Variants in TNFSF15 observed in about 807,000 individuals in gnomAD.
TNFSF15 encodes TNF superfamily member 15.
TNFSF15 carries 15 observed loss-of-function variants against 26.4 expected under a neutral mutation model. That is an observed-to-expected ratio of 0.57 (90% CI 0.38 to 0.87). The LOEUF is 0.87. TNFSF15 is among the 40% of genes least tolerant of loss of function. The pLI is 0.00. For synonymous variants in TNFSF15, 116 were observed against 115.0 expected, an observed-to-expected ratio of 1.01 and a Z score of -0.06; for missense variants, 290 against 306.1, an observed-to-expected ratio of 0.95 and a Z score of 0.39.
intron 1 of TNFSF15, among the ~76,000 whole-genome samples, chr9:114,803,543 T>C (rs1048221985): frequency 2.0e-5 from 3 of 152,188 alleles, no homozygotes; most frequent in Admixed American, 6.5e-5. Context: ...TTCTTCTCCA[T>C]CAGTCCCTCC....
In TNFSF15 at chr9:114,791,122, C is replaced by T. The variant is rs1829591340; in HGVS notation, c.302-216G>A. 6.5e-6 allele frequency: 4 copies of T among 614,636 alleles called. No homozygotes were observed. In the East Asian group the frequency reaches 1.1e-4, roughly 17 times the overall value. 38.1% of individuals were successfully genotyped at this position (614,636 alleles called of 1,614,324 possible). On this transcript the variant is annotated intron_variant, in intron 3 of 3. Coordinates refer to ENST00000374045, the MANE Select transcript of TNFSF15 (RefSeq NM_005118.4). ...TGGACTAGTGACCTGGGGCAAATTA[C>T]TTTGCCTTTCTGAGACTGAGTGGTC...
chr9:114,793,441 C>T (rs1829634121), intron 2 of TNFSF15, 85 bp downstream of exon 2: 4 of 1,488,814 alleles, frequency 2.7e-6, no homozygotes, highest in Admixed American at 1.7e-5. Flanking sequence ...TACTTAAAGA[C>T]TCATCTCTGA....
In TNFSF15 at chr9:114,789,734, G is replaced by A. The variant is rs1012376923; in HGVS notation, c.*718C>T. The A allele has an allele frequency of 1.3e-5, 2 of 152,294 alleles. No homozygotes were observed. The highest frequency in any genetic ancestry group is 2.9e-5 in the Non-Finnish European group (2 of 68,032). The allele number at this position is 152,294 out of a possible 1,614,324, so 9.4% of individuals were successfully genotyped here. A position where few individuals can be genotyped will look rare whatever the true frequency, so the allele number is the denominator to read the frequency against. On this transcript the variant is annotated 3_prime_UTR_variant, in exon 4 of 4. Transcript: ENST00000374045. ...TTTTCATAGTGTCTTCTGGGTTAAG[G>A]TAGAACCCAGCACAAAATAGGTGGG...
At chr9:114,795,312 A>G (rs1829660439) in intron 1 of TNFSF15, among the ~76,000 whole-genome samples, 1 of 152,202 alleles carries the variant, frequency 6.6e-6, no homozygotes, top group African/African-American at 2.4e-5. Context: ...TCCTCTTATT[A>G]TATGAACACT....
In TNFSF15 at chr9:114,788,060, T is replaced by C. The variant is rs148513896; in HGVS notation, c.*2392A>G. On this transcript the variant is annotated 3_prime_UTR_variant, in exon 4 of 4. Transcript: ENST00000374045. ...CATGAAGACCGGTTCAGAAAGAACATTTTATGTTTTTAATGGGTGTTAGTT... is the reference window on the plus strand; with the variant it reads ...CATGAAGACCGGTTCAGAAAGAACACTTTATGTTTTTAATGGGTGTTAGTT... 4 of 153,794 alleles carry C rather than the reference T, an allele frequency of 2.6e-5. No homozygotes were observed. In the East Asian group the frequency reaches 7.7e-4, roughly 30 times the overall value. 9.5% of individuals were successfully genotyped at this position (153,794 alleles called of 1,614,324 possible).
chr9:114,792,586 C>A, intron 2 of TNFSF15, 132 bp from the exon 3 acceptor site: 1 of 1,536,050 alleles, frequency 6.5e-7, no homozygotes. Context: ...CAGTGCCACT[C>A]CTTGCAGGAT....
chr9:114,795,789 G>C (rs555506809), intron 1 of TNFSF15, among the ~76,000 whole-genome samples: 1 of 152,330 alleles, frequency 6.6e-6, no homozygotes, highest in South Asian at 2.1e-4. Context: ...TTTAGCATCT[G>C]TACACGTGTC....
intron 1 of TNFSF15, among the ~76,000 whole-genome samples, chr9:114,802,490 A>T (rs1829761740): frequency 6.6e-6 from 1 of 152,190 alleles, no homozygotes; most frequent in African/African-American, 2.4e-5. Flanking sequence ...TGACCTCGTG[A>T]TCCGCCTGCC....
At chr9:114,797,057 G>A (rs1241196167) in intron 1 of TNFSF15, among the ~76,000 whole-genome samples, 2 of 152,188 alleles carry the variant, frequency 1.3e-5, no homozygotes, top group Non-Finnish European at 2.9e-5. Context: ...GATCTTGATT[G>A]CATCCTCTGG....
intron 1 of TNFSF15, among the ~76,000 whole-genome samples, chr9:114,795,862 T>C (rs1173176342): frequency 6.6e-6 from 1 of 152,206 alleles, no homozygotes; most frequent in Non-Finnish European, 1.5e-5. Context: ...GTGGATGTAA[T>C]TGTGTCATTG....
At chr9:114,797,742 C>T (rs1314428621) in intron 1 of TNFSF15, among the ~76,000 whole-genome samples, 1 of 152,166 alleles carries the variant, frequency 6.6e-6, no homozygotes, top group African/African-American at 2.4e-5. Flanking sequence ...CAACATTAGC[C>T]TCCAATTGAA....
intron 3 of TNFSF15, chr9:114,792,070 A>C (rs1587898258): frequency 7.7e-6 from 2 of 260,882 alleles, no homozygotes; most frequent in East Asian, 1.6e-4. Flanking sequence ...CCCACAGGGA[A>C]GAAGACATCC....
Position 114,792,131 on chromosome 9 carries a change from T to G in TNFSF15, c.301+276A>C, listed in dbSNP as rs1564344641. On this transcript the variant is annotated intron_variant, in intron 3 of 3. Transcript: ENST00000374045. ...ACTCACATGCTTATTGCAGCACTAT[T>G]CACAATCGCAAAAATATGGAATCAA... The G allele has an allele frequency of 2.0e-5, 9 of 458,474 alleles. No homozygotes were observed. In the South Asian group the frequency reaches 3.5e-4, roughly 18 times the overall value. The allele number at this position is 458,474 out of a possible 1,614,324, so 28.4% of individuals were successfully genotyped here.
rs1425292386 is a variant in TNFSF15 at position 114,785,409 on chromosome 9, T to C, written c.*5043A>G. On this transcript the variant is annotated 3_prime_UTR_variant, in exon 4 of 4. Transcript: ENST00000374045. ...TGGACAAATGGGAAATGACAGCTAA[T>C]TACTGAACCCTTGAGAAGGCCTGCC... 2 of 152,208 alleles carry C rather than the reference T, an allele frequency of 1.3e-5. No individual in the cohort carries two copies. Among genetic ancestry groups the C allele is most frequent in the African/African-American group, 4.8e-5 (2 of 41,454 alleles). The allele number at this position is 152,208 out of a possible 1,614,324, so 9.4% of individuals were successfully genotyped here.
intron 1 of TNFSF15, among the ~76,000 whole-genome samples, chr9:114,799,941 C>T (rs1458399021): frequency 6.6e-6 from 1 of 152,178 alleles, no homozygotes; most frequent in Non-Finnish European, 1.5e-5. Flanking sequence ...TCCAGGTATG[C>T]TGGTGCTTCC....
At chr9:114,803,312 C>T (rs550610646) in intron 1 of TNFSF15, among the ~76,000 whole-genome samples, 2 of 152,340 alleles carry the variant, frequency 1.3e-5, no homozygotes, top group African/African-American at 2.4e-5. Flanking sequence ...ACATTTCTAA[C>T]ATACACAATG....
rs1829479739 is a variant in TNFSF15 at position 114,785,259 on chromosome 9, C to T, written c.*5193G>A. On this transcript the variant is annotated 3_prime_UTR_variant, in exon 4 of 4. Coordinates refer to ENST00000374045, the MANE Select transcript of TNFSF15 (RefSeq NM_005118.4). ...GTGGATGTGATGGCTCCCTCTGAGC[C>T]TGGGTTTCTTCATCTTTGAAATGAT... 1 of 152,228 alleles carries T rather than the reference C, an allele frequency of 6.6e-6. No homozygotes were observed. The highest frequency in any genetic ancestry group is 1.5e-5 in the Non-Finnish European group (1 of 68,034). The allele number at this position is 152,228 out of a possible 1,614,324, so 9.4% of individuals were successfully genotyped here. A position where few individuals can be genotyped will look rare whatever the true frequency, so the allele number is the denominator to read the frequency against.
At chr9:114,794,893 G>T (rs1434408497) in intron 1 of TNFSF15, among the ~76,000 whole-genome samples, 7 of 152,164 alleles carry the variant, frequency 4.6e-5, no homozygotes, top group Non-Finnish European at 8.8e-5. Flanking sequence ...AGTGGGAGAG[G>T]ATGGGGATGA....
intron 1 of TNFSF15, among the ~76,000 whole-genome samples, chr9:114,794,531 A>C (rs1829651778): frequency 6.6e-6 from 1 of 152,212 alleles, no homozygotes; most frequent in African/African-American, 2.4e-5. Context: ...CGTATTCAAA[A>C]GAAAAGAAAT....
Sources: gnomAD v4.1 joint callset for allele counts (sites outside exome capture counted in the v4.1 genomes callset) on GRCh38, gnomAD v4.1.1 for gene constraint, MANE v1.5 for transcripts, NCBI Gene and HGNC (gene_info 2026-07-23, HGNC 2026-07-21) for gene names.